Variants in TENM3 observed in about 807,000 individuals in gnomAD.
The protein encoded by TENM3 is teneurin-3.
In TENM3, 63 loss-of-function variants were observed where a neutral mutation model predicts 255.1. The ratio of observed to expected loss-of-function variants is 0.25; its 90% CI spans 0.20 to 0.30. TENM3 has a LOEUF of 0.30. Among genes scored for constraint, TENM3 ranks in the 10% least tolerant of loss-of-function variants. The pLI is 1.00. For missense variants in TENM3, 2,929 were observed against 3,461.1 expected (o/e 0.85, Z 3.86); for synonymous variants, 1,306 against 1,322.3 (o/e 0.99, Z 0.27).
chr4:181,740,979 G>A, the TENM3 span, among the ~76,000 whole-genome samples: 1 of 152,150 alleles, frequency 6.6e-6, no homozygotes, highest in African/African-American at 2.4e-5. Flanking sequence ...GAGAAAAGCT[G>A]AAGTGGAGAA....
intron 12 of TENM3, among the ~76,000 whole-genome samples, chr4:182,700,523 A>G (rs1391119386): frequency 6.6e-6 from 1 of 152,074 alleles, no homozygotes; most frequent in East Asian, 1.9e-4. Flanking sequence ...ACTGGAGCCA[A>G]TTTTTGTCTG....
the TENM3 span, among the ~76,000 whole-genome samples, chr4:181,675,950 A>G: frequency 6.6e-6 from 1 of 152,170 alleles, no homozygotes; most frequent in African/African-American, 2.4e-5. Flanking sequence ...CTTAGAAAAG[A>G]GTACATAGAC....
At chr4:182,438,884 C>A (rs1772245495) in intron 3 of TENM3, among the ~76,000 whole-genome samples, 1 of 152,140 alleles carries the variant, frequency 6.6e-6, no homozygotes, top group African/African-American at 2.4e-5. Context: ...CTTGCAAAGG[C>A]CTTTGGCCAA....
chr4:181,534,691 C>CCA, the TENM3 span, among the ~76,000 whole-genome samples: 7 of 152,112 alleles, frequency 4.6e-5, no homozygotes, highest in Non-Finnish European at 1.0e-4. Context: ...ATGGCATTTA[C>CCA]CACACAGTTT....
chr4:181,582,810 C>T, the TENM3 span, among the ~76,000 whole-genome samples: 1 of 152,150 alleles, frequency 6.6e-6, no homozygotes, highest in African/African-American at 2.4e-5. Context: ...CCAAGGTGCT[C>T]CATCTGAAAA....
chr4:182,544,605 A>G (rs1440723017), intron 3 of TENM3, among the ~76,000 whole-genome samples: 1 of 152,010 alleles, frequency 6.6e-6, no homozygotes, highest in East Asian at 1.9e-4. Context: ...CCCGGCCTGC[A>G]TTGTGGATTT....
At chr4:182,498,133 T>G (rs1208757901) in intron 3 of TENM3, among the ~76,000 whole-genome samples, 3 of 152,076 alleles carry the variant, frequency 2.0e-5, no homozygotes, top group Non-Finnish European at 4.4e-5. Context: ...CATTAGCATA[T>G]AGATGCCTCA....
chr4:182,751,166 C>G (rs188514930), intron 19 of TENM3, among the ~76,000 whole-genome samples: 2 of 152,184 alleles, frequency 1.3e-5, no homozygotes, highest in African/African-American at 2.4e-5. Context: ...ATCCAGCATC[C>G]TAGCTCACTG....
rs191553492 is a variant in TENM3, at chr4:182,739,068, A to G, written c.3379+524A>G. ...TTTTTTTTTCAGTTCTTCTCAGACT[A>G]TTAGGGAAATAAAGCATTCTGCCAC... On this transcript the variant is annotated intron_variant, in intron 18 of 27. Coordinates refer to ENST00000511685, the MANE Select transcript of TENM3 (RefSeq NM_001080477.4). 9.9e-4 allele frequency among the ~76,000 whole-genome samples: 151 copies of G among 151,824 alleles called. 1 individual carries two copies. Among genetic ancestry groups the G allele is most frequent in the Admixed American group, 2.9e-3 (44 of 15,248 alleles).
chr4:182,769,482 G>C (rs544617201), intron 22 of TENM3, among the ~76,000 whole-genome samples: 15 of 152,198 alleles, frequency 9.9e-5, no homozygotes, highest in African/African-American at 3.4e-4. Flanking sequence ...TTTATTCATT[G>C]CTTTTAAAGA....
At chr4:181,521,834 T>C in the TENM3 span, among the ~76,000 whole-genome samples, 31,788 of 151,998 alleles carry the variant, frequency 0.21, 3,558 homozygotes, top group South Asian at 0.38. Context: ...TGGTGGCTCA[T>C]GCCTGTAATC....
intron 3 of TENM3, among the ~76,000 whole-genome samples, chr4:182,437,246 C>G (rs1374628489): frequency 6.6e-6 from 1 of 152,076 alleles, no homozygotes; most frequent in Non-Finnish European, 1.5e-5. Context: ...ATTCATTCTT[C>G]AAAATAAACA....
the TENM3 span, among the ~76,000 whole-genome samples, chr4:181,882,702 A>C: frequency 6.6e-6 from 1 of 152,310 alleles, no homozygotes; most frequent in East Asian, 1.9e-4. Flanking sequence ...TATTTCCATA[A>C]AATTAATTCT....
chr4:182,455,762 A>C (rs1038002466), intron 3 of TENM3, among the ~76,000 whole-genome samples: 2 of 151,690 alleles, frequency 1.3e-5, no homozygotes, highest in Middle Eastern at 3.2e-3. Flanking sequence ...GGGTCTCACC[A>C]TGTTGGCCAG....
At chr4:182,473,291 A>G (rs1428796316) in intron 3 of TENM3, among the ~76,000 whole-genome samples, 1 of 152,252 alleles carries the variant, frequency 6.6e-6, no homozygotes, top group African/African-American at 2.4e-5. Context: ...TTTCAGAAAC[A>G]AATGCTCTTC....
At chr4:182,304,790 C>G (rs1267492299) in intron 1 of TENM3, among the ~76,000 whole-genome samples, 1 of 152,096 alleles carries the variant, frequency 6.6e-6, no homozygotes, top group African/African-American at 2.4e-5. Context: ...CAGCTTAAAA[C>G]TGTTTGGCAT....
At chr4:181,529,893 T>C in the TENM3 span, among the ~76,000 whole-genome samples, 1 of 152,310 alleles carries the variant, frequency 6.6e-6, no homozygotes, top group Non-Finnish European at 1.5e-5. Flanking sequence ...TCCCTTGCTC[T>C]AAAATACAAA....
In TENM3 at chr4:182,172,394, C is replaced by A. The variant is rs536304750; in HGVS notation, c.-76+27640C>A. 8.5e-5 allele frequency among the ~76,000 whole-genome samples: 13 copies of A among 152,230 alleles called. 1 individual carries two copies. The highest frequency in any genetic ancestry group is 2.9e-4 in the African/African-American group (12 of 41,562). ...TAATTCGGTACCAAAGGAGATATTT[C>A]ATGAAAGATGAAGTTGGTTTGCTGC... On this transcript the variant is annotated intron_variant, in intron 1 of 2. Coordinates refer to the TENM3 transcript ENST00000512480.
chr4:182,453,395 A>C (rs1216430304), intron 3 of TENM3, among the ~76,000 whole-genome samples: 2 of 152,214 alleles, frequency 1.3e-5, no homozygotes, highest in African/African-American at 4.8e-5. Context: ...TAATAGTTAA[A>C]TTTGGGAAAC....
Sources: allele counts gnomAD v4.1 joint callset (sites outside exome capture counted in the v4.1 genomes callset), GRCh38; gene constraint gnomAD v4.1.1; transcripts MANE v1.5; gene names NCBI Gene and HGNC (gene_info 2026-07-23, HGNC 2026-07-21).